Variants in FBN1 observed in about 807,000 individuals in gnomAD.
FBN1 encodes the protein fibrillin-1.
In FBN1, 29 loss-of-function variants were observed where a neutral mutation model predicts 365.1. The observed-to-expected ratio is 0.08, with a 90% CI of 0.06 to 0.11. FBN1 has a LOEUF of 0.11. FBN1 is among the 10% of genes least tolerant of loss of function. FBN1 has a pLI of 1.00. For synonymous variants in FBN1, 1,210 were observed against 1,270.5 expected, an observed-to-expected ratio of 0.95 and a Z score of 1.01; for missense variants, 2,476 against 3,703.2, an observed-to-expected ratio of 0.67 and a Z score of 8.60.
intron 2 of FBN1, among the ~76,000 whole-genome samples, chr15:48,617,720 T>C (rs1365004943): frequency 6.6e-6 from 1 of 152,192 alleles, no homozygotes; most frequent in Non-Finnish European, 1.5e-5. Context: ...AGAGAGCCTG[T>C]GGACTGGCAA....
intron 6 of FBN1, among the ~76,000 whole-genome samples, chr15:48,572,148 TA>T (rs552667841): frequency 1.3e-5 from 2 of 151,990 alleles, no homozygotes; most frequent in East Asian, 1.9e-4. Context: ...TTTTCTAAAT[TA>T]AAAAAAATAC....
intron 63 of FBN1, among the ~76,000 whole-genome samples, chr15:48,419,389 T>C (rs1185568421): frequency 1.3e-5 from 2 of 152,098 alleles, no homozygotes; most frequent in African/African-American, 2.4e-5. Flanking sequence ...TTAGCTCCAG[T>C]GTTATTAAAA....
rs1245349260 is a variant in FBN1, at chr15:48,474,324, T to G, written c.4141A>C (p.Lys1381Gln). Reference protein sequence around the residue: ...THMCSQHADCKNTMGSYRCLC... With the variant: ...THMCSQHADCQNTMGSYRCLC... ...CAGCGGTAAGATCCCATGGTATTCTTGCAGTCTGCATGCTGGCTGCACATA... is the reference window on the plus strand; with the variant it reads ...CAGCGGTAAGATCCCATGGTATTCTGGCAGTCTGCATGCTGGCTGCACATA... Residue 1381 changes from lysine to glutamine, a missense_variant, in exon 34 of 66, where the codon AAG becomes CAG. By Grantham distance (53) the Lys-to-Gln change is moderately conservative. This residue lies in a region of FBN1 where 1,780 missense variants were observed against 2,840.8 expected (regional missense o/e 0.63). Coordinates refer to ENST00000316623, the MANE Select transcript of FBN1 (RefSeq NM_000138.5). 1.9e-6 allele frequency: 3 copies of G among 1,614,044 alleles called. No individual in the cohort carries two copies. Among genetic ancestry groups the G allele is most frequent in the Non-Finnish European group, 2.5e-6 (3 of 1,180,016 alleles).
At chr15:48,485,224 T>C in intron 30 of FBN1, 150 bp downstream of exon 30, 1 of 993,694 alleles carries the variant, frequency 1.0e-6, no homozygotes, top group Non-Finnish European at 1.5e-6. Context: ...ATGAGGATTC[T>C]AATAATAGGT....
chr15:48,589,828 G>A (rs1360705010), intron 6 of FBN1, among the ~76,000 whole-genome samples: 1 of 152,002 alleles, frequency 6.6e-6, no homozygotes, highest in Admixed American at 6.5e-5. Context: ...AGTAGAGCCA[G>A]GATGGTCTCG....
Position 48,487,203 on chromosome 15 carries a change from G to A in FBN1, c.3464-3C>T, listed in dbSNP as rs770992241. ...ACTCAGCTCACATTCATTGATGTCT[G>A]TCGGGAAAATAAGAAGAACAAACAC... On this transcript the variant is annotated splice_region_variant and splice_polypyrimidine_tract_variant and intron_variant, in intron 28 of 65. Coordinates refer to ENST00000316623, the MANE Select transcript of FBN1 (RefSeq NM_000138.5). The A allele has an allele frequency of 8.1e-6, 13 of 1,614,140 alleles. No individual in the cohort carries two copies. In the East Asian group the frequency reaches 2.7e-4, roughly 33 times the overall value.
chr15:48,581,766 T>TTTAATAATAACA (rs2044394036), intron 6 of FBN1, among the ~76,000 whole-genome samples: 2 of 151,994 alleles, frequency 1.3e-5, no homozygotes, highest in Non-Finnish European at 2.9e-5. Flanking sequence ...AAAAGATAGT[T>TTTAATAATAACA]AATAATAACA....
Position 48,433,807 on chromosome 15 carries a change from T to C in FBN1, c.6616+787A>G, listed in dbSNP as rs144835765. 4.7e-3 allele frequency among the ~76,000 whole-genome samples: 714 copies of C among 152,314 alleles called. 7 individuals carry two copies. Among genetic ancestry groups the C allele is most frequent in the African/African-American group, 0.017 (695 of 41,582 alleles). On this transcript the variant is annotated intron_variant, in intron 54 of 65. Coordinates refer to ENST00000316623, the MANE Select transcript of FBN1 (RefSeq NM_000138.5). ...CTGACAATGGGCATTTGATAGATCA[T>C]ATCTGATGAAGAGCTCTCTTTGCTA...
Position 48,470,753 on chromosome 15 carries a change from A to G in FBN1, c.4340T>C (p.Ile1447Thr). The change falls in exon 36 of 66, where the codon ATT becomes ACT. Residue 1447 changes from isoleucine to threonine, a missense_variant. Around this residue, in one of 5 missense-constraint regions of FBN1, gnomAD observed 1,780 missense variants for 2,840.8 expected, o/e 0.63. Coordinates refer to ENST00000316623, the MANE Select transcript of FBN1 (RefSeq NM_000138.5). Reference sequence around the variant, plus strand: ...GATGTTCGGAAGGGAGCACTCATCAATATCTTGGGGGGAGGGAGAAAAAAG... The same window carrying G: ...GATGTTCGGAAGGGAGCACTCATCAGTATCTTGGGGGGAGGGAGAAAAAAG... ...PSADGKACEDIDECSLPNICV... is the reference protein window; with the variant it reads ...PSADGKACEDTDECSLPNICV... 1.9e-6 allele frequency: 3 copies of G among 1,614,068 alleles called. No homozygotes were observed. Among genetic ancestry groups the G allele is most frequent in the Non-Finnish European group, 2.5e-6 (3 of 1,179,990 alleles).
intron 34 of FBN1, among the ~76,000 whole-genome samples, 182 bp downstream of exon 34, chr15:48,474,073 T>C (rs1024053938): frequency 6.6e-6 from 1 of 152,154 alleles, no homozygotes; most frequent in Non-Finnish European, 1.5e-5. Flanking sequence ...ATCGAGAAGC[T>C]TTTGAGGTCT....
intron 2 of FBN1, 56 bp downstream of exon 2, chr15:48,644,550 T>C: frequency 1.2e-6 from 2 of 1,610,812 alleles, no homozygotes; most frequent in Non-Finnish European, 1.7e-6. Context: ...CTGCCCGTTG[T>C]TCTGGATCTT....
chr15:48,643,381 G>T (rs561220247), intron 2 of FBN1: 1 of 152,304 alleles, frequency 6.6e-6, no homozygotes, highest in Admixed American at 6.5e-5. Context: ...ACTATTTTCT[G>T]TGCTATTTTA....
chr15:48,590,704 T>C (rs2044471017), intron 6 of FBN1, among the ~76,000 whole-genome samples: 1 of 152,250 alleles, frequency 6.6e-6, no homozygotes, highest in Admixed American at 6.5e-5. Flanking sequence ...AGGAAGCAAG[T>C]ACCTGCATGA....
At chr15:48,643,105 T>C (rs1890227144) in intron 2 of FBN1, 1 of 152,210 alleles carries the variant, frequency 6.6e-6, no homozygotes, top group Non-Finnish European at 1.5e-5. Context: ...AGCAATCCTA[T>C]CAGAATAGAT....
At chr15:48,521,639 G>A (rs909986424) in intron 9 of FBN1, among the ~76,000 whole-genome samples, 5 of 152,166 alleles carry the variant, frequency 3.3e-5, no homozygotes, top group East Asian at 1.9e-4. Context: ...CTGGGTTACG[G>A]AAAGAGTTTG....
chr15:48,470,791 C>T (rs1566905456), intron 35 of FBN1, 35 bp from the exon 36 acceptor site: 1 of 1,605,466 alleles, frequency 6.2e-7, no homozygotes, highest in Admixed American at 1.7e-5. Flanking sequence ...AAAAACTTAA[C>T]TTATATTTTT....
intron 2 of FBN1, among the ~76,000 whole-genome samples, chr15:48,614,302 C>T (rs1889608515): frequency 6.6e-6 from 1 of 152,204 alleles, no homozygotes; most frequent in Admixed American, 6.5e-5. Context: ...CTGGTATAAA[C>T]ACTGTAAACC....
At chr15:48,568,294 G>C (rs564611106) in intron 6 of FBN1, among the ~76,000 whole-genome samples, 1 of 152,098 alleles carries the variant, frequency 6.6e-6, no homozygotes, top group Admixed American at 6.5e-5. Flanking sequence ...AAGATTTATA[G>C]TAATAAATCT....
chr15:48,513,732 C>T, intron 12 of FBN1, 64 bp from the exon 13 acceptor site: 1 of 1,592,232 alleles, frequency 6.3e-7, no homozygotes, highest in Non-Finnish European at 8.6e-7. Context: ...CTAAGACTTT[C>T]TGGGTTCCTT....
Sources: gnomAD v4.1 joint callset for allele counts (sites outside exome capture counted in the v4.1 genomes callset) on GRCh38, gnomAD v4.1.1 for gene constraint, gnomAD v4.1.1 regional missense constraint, MANE v1.5 for transcripts, NCBI Gene and HGNC (gene_info 2026-07-23, HGNC 2026-07-21) for gene names.